The following CACNA1C variants were observed in gnomAD, a reference collection of about 807,000 sequenced individuals.
The protein encoded by CACNA1C is calcium voltage-gated channel subunit alpha1 C, also known as voltage-dependent L-type calcium channel subunit alpha-1C.
In CACNA1C, 30 loss-of-function variants were observed where a neutral mutation model predicts 229.0. That is an observed-to-expected ratio of 0.13 (90% CI 0.10 to 0.18). CACNA1C has a LOEUF of 0.18. Ranked by LOEUF, CACNA1C falls within the 10% of genes least tolerant of loss-of-function variation. The probability of loss-of-function intolerance (pLI) is 1.00; values close to 1 mark genes in which losing one functional copy is unlikely to be tolerated. For missense variants in CACNA1C, 1,658 were observed against 2,845.0 expected (o/e 0.58, Z 9.49); for synonymous variants, 1,114 against 1,132.5 (o/e 0.98, Z 0.33).
chr12:2,690,877 T>C, intron 46 of CACNA1C, 23 bp from the exon 47 acceptor site: 1 of 1,526,842 alleles, frequency 6.5e-7, no homozygotes, highest in South Asian at 1.3e-5. Flanking sequence ...TGGTTCTTCA[T>C]GGCTCCCACC....
intron 42 of CACNA1C, among the ~76,000 whole-genome samples, chr12:2,681,456 G>T (rs148378511): frequency 6.6e-6 from 1 of 152,164 alleles, no homozygotes; most frequent in African/African-American, 2.4e-5. Flanking sequence ...CCTTGTCCCC[G>T]TGTCACAGCT....
intron 3 of CACNA1C, among the ~76,000 whole-genome samples, chr12:2,373,778 G>A (rs1297020577): frequency 3.3e-5 from 5 of 152,058 alleles, no homozygotes; most frequent in African/African-American, 7.2e-5. Context: ...CATTAGTGGC[G>A]ATTAAAAAAA....
chr12:2,352,867 C>T (rs1036317139), intron 3 of CACNA1C, among the ~76,000 whole-genome samples: 6 of 152,178 alleles, frequency 3.9e-5, no homozygotes, highest in Non-Finnish European at 5.9e-5. Flanking sequence ...ATCTGTAAGA[C>T]TGGATAATGA....
chr12:2,115,033 C>G (rs2083280467), intron 1 of CACNA1C, among the ~76,000 whole-genome samples, 191 bp from the exon 2 acceptor site: 1 of 152,234 alleles, frequency 6.6e-6, no homozygotes, highest in Non-Finnish European at 1.5e-5. Context: ...CCCAGCTAAA[C>G]CAGGACCGCA....
rs1209581850 is a variant in CACNA1C, at chr12:2,339,618, ATTATT to A, written c.478-109345_478-109341del. Among the ~76,000 whole-genome samples the A allele has an allele frequency of 4.6e-5, 7 of 152,318 alleles. 1 individual carries two copies. The South Asian group carries it at 6.2e-4, about 14-fold the overall frequency. On this transcript the variant is annotated intron_variant, in intron 3 of 46. Transcript: ENST00000399655. ...TTCTATGTGATGTATTCTATTAAAA[ATTATT>A]TTATTTTATTTTTTGCTTTGTAAAT... is the stretch of plus-strand genomic sequence containing the variant.
chr12:2,612,065 CG>C, intron 29 of CACNA1C, 52 bp downstream of exon 29: 1 of 1,101,868 alleles, frequency 9.1e-7, no homozygotes, highest in Non-Finnish European at 1.4e-6. Flanking sequence ...GTGGACAGAA[CG>C]GGGAGGTGGG....
chr12:2,140,600 C>G (rs2094070154), intron 3 of CACNA1C, among the ~76,000 whole-genome samples: 1 of 151,272 alleles, frequency 6.6e-6, no homozygotes, highest in Non-Finnish European at 1.5e-5. Flanking sequence ...GTTCATTTTT[C>G]TTAATCTAGG....
At chr12:2,081,678 T>C (rs2065707010) in intron 1 of CACNA1C, among the ~76,000 whole-genome samples, 1 of 152,208 alleles carries the variant, frequency 6.6e-6, no homozygotes, top group Non-Finnish European at 1.5e-5. Context: ...TAAAGAAGCA[T>C]TAATTTTTTC....
chr12:2,441,524 T>G (rs964745645), intron 3 of CACNA1C, among the ~76,000 whole-genome samples: 2 of 152,244 alleles, frequency 1.3e-5, no homozygotes, highest in Non-Finnish European at 2.9e-5. Flanking sequence ...GAAGAGGAGC[T>G]CTTTATTCCG....
chr12:2,648,220 G>A (rs985468460), intron 30 of CACNA1C, among the ~76,000 whole-genome samples: 2 of 152,160 alleles, frequency 1.3e-5, no homozygotes, highest in African/African-American at 4.8e-5. Context: ...ATAATATTAT[G>A]AATGTGAGTT....
intron 37 of CACNA1C, among the ~76,000 whole-genome samples, chr12:2,668,300 G>A (rs2096346261): frequency 1.3e-5 from 2 of 152,214 alleles, no homozygotes; most frequent in South Asian, 2.1e-4. Flanking sequence ...GGTCTAATGA[G>A]GACAAATTTC....
intron 3 of CACNA1C, among the ~76,000 whole-genome samples, chr12:2,165,489 G>A (rs1380318863): frequency 6.6e-6 from 1 of 152,310 alleles, no homozygotes; most frequent in East Asian, 1.9e-4. Context: ...AAGACTTTGG[G>A]TCTGAATCAA....
intron 3 of CACNA1C, among the ~76,000 whole-genome samples, chr12:2,163,508 A>T (rs959311718): frequency 6.6e-6 from 1 of 152,058 alleles, no homozygotes; most frequent in African/African-American, 2.4e-5. Context: ...AAGATGTGTG[A>T]CTTTTCTTAC....
intron 3 of CACNA1C, among the ~76,000 whole-genome samples, chr12:2,177,742 T>C (rs1000685632): frequency 2.6e-5 from 4 of 152,078 alleles, no homozygotes; most frequent in Admixed American, 2.0e-4. Context: ...GTTCAAGTGA[T>C]TCTCCTGCCT....
rs1397548360 is a variant in CACNA1C, at chr12:2,647,625, A to G, written c.3913-850A>G. On this transcript the variant is annotated intron_variant, in intron 30 of 46. Transcript: ENST00000399655. The surrounding 1 kb of genome is among the most constrained non-coding windows in gnomAD (Gnocchi z 4.2). ...CCCCATTATGGAGTGGGTTGAGGCC[A>G]CCTCTGGAGGCCCTCCTCAGTGTTG... Among the ~76,000 whole-genome samples, 1 of 152,162 alleles carries G rather than the reference A, an allele frequency of 6.6e-6. No individual in the cohort carries two copies.
intron 3 of CACNA1C, among the ~76,000 whole-genome samples, chr12:2,406,149 G>A (rs546506866): frequency 1.8e-4 from 27 of 152,034 alleles, no homozygotes; most frequent in Non-Finnish European, 3.1e-4. Flanking sequence ...TTCCCCCCTG[G>A]GCAAGGTGAC....
rs1211808953 is a variant in CACNA1C at position 2,410,652 on chromosome 12, C to CGT, written c.478-38315_478-38314dup. 6.8e-6 allele frequency among the ~76,000 whole-genome samples: 1 copy of CGT among 147,050 alleles called. No homozygotes were observed. Among genetic ancestry groups the CGT allele is most frequent in the Non-Finnish European group, 1.5e-5 (1 of 66,940 alleles). On this transcript the variant is annotated intron_variant, in intron 3 of 46. Coordinates refer to ENST00000399655, the MANE Select transcript of CACNA1C (RefSeq NM_000719.7). This position sits in a 1 kb window ranked among gnomAD's most constrained non-coding sequence, Gnocchi z 5.3. ...GCCTGTGTGTGTGTGTGTGTGCATG[C>CGT]GTGTGTGTGTTCCAGGAGCTGACTC...
chr12:2,277,739 C>T (rs935152708), intron 3 of CACNA1C, among the ~76,000 whole-genome samples: 8 of 152,244 alleles, frequency 5.3e-5, no homozygotes, highest in African/African-American at 1.9e-4. Flanking sequence ...CTCTACCTCA[C>T]AGGAGATGGC....
chr12:2,293,767 A>G (rs1217469920), intron 3 of CACNA1C, among the ~76,000 whole-genome samples: 2 of 152,194 alleles, frequency 1.3e-5, no homozygotes, highest in East Asian at 1.9e-4. Flanking sequence ...TTTCCAAACC[A>G]TATTATACTC....
Sources: allele counts gnomAD v4.1 joint callset (sites outside exome capture counted in the v4.1 genomes callset), GRCh38; gene constraint gnomAD v4.1.1; non-coding constraint Gnocchi (gnomAD v3.1); transcripts MANE v1.5; gene names NCBI Gene and HGNC (gene_info 2026-07-23, HGNC 2026-07-21).